ABAT: variants seen among roughly 807,000 people sequenced by gnomAD.
ABAT encodes the protein 4-aminobutyrate aminotransferase, also known as 4-aminobutyrate aminotransferase, mitochondrial.
A neutral mutation model predicts 64.6 loss-of-function variants in ABAT; 45 were observed. The observed-to-expected ratio is 0.70, with a 90% confidence interval of 0.55 to 0.89. ABAT has a LOEUF of 0.89. ABAT is among the 40% of genes least tolerant of loss of function. The pLI, the probability that ABAT is intolerant of heterozygous loss-of-function variation, is 0.00. For synonymous variants in ABAT, 297 were observed against 250.5 expected (o/e 1.19, Z -1.75); for missense variants, 633 against 658.4 (o/e 0.96, Z 0.42).
intron 1 of ABAT, among the ~76,000 whole-genome samples, chr16:8,710,794 C>T (rs1296832219): frequency 1.3e-5 from 2 of 150,674 alleles, no homozygotes; most frequent in African/African-American, 4.9e-5. Context: ...CCTTCTTGTA[C>T]CAACCCTCTG....
chr16:8,753,260 C>A (rs9926200), intron 5 of ABAT, among the ~76,000 whole-genome samples: 140,844 of 151,994 alleles, frequency 0.93, 65,990 homozygotes, highest in East Asian at 1. Context: ...TGCCTGGCTA[C>A]TTTTTTTTGT....
At chr16:8,779,321 C>T (rs1201064390) in intron 14 of ABAT, among the ~76,000 whole-genome samples, 158 bp from the exon 15 acceptor site, 2 of 152,072 alleles carry the variant, frequency 1.3e-5, no homozygotes, top group Non-Finnish European at 2.9e-5. Flanking sequence ...GAACCCAGGC[C>T]TGAATGTCCC....
At chr16:8,739,436 G>A (rs1198177103) in intron 2 of ABAT, among the ~76,000 whole-genome samples, 1 of 152,088 alleles carries the variant, frequency 6.6e-6, no homozygotes, top group African/African-American at 2.4e-5. Context: ...GGTTCATATG[G>A]GCCAGGCACA....
At chr16:8,705,289 A>C (rs563387896) in intron 1 of ABAT, among the ~76,000 whole-genome samples, 4 of 152,010 alleles carry the variant, frequency 2.6e-5, no homozygotes, top group Non-Finnish European at 5.9e-5. Flanking sequence ...CACAGGGAAA[A>C]CTGCCACTTT....
chr16:8,777,383 C>T (rs535046759), intron 14 of ABAT, among the ~76,000 whole-genome samples: 19 of 152,292 alleles, frequency 1.2e-4, no homozygotes, highest in South Asian at 8.3e-4. Flanking sequence ...CTCAAGGTTT[C>T]GTCATGGGCC....
At chr16:8,761,339 CTG>C (rs1257105019) in intron 6 of ABAT, among the ~76,000 whole-genome samples, 9 of 152,278 alleles carry the variant, frequency 5.9e-5, no homozygotes, top group East Asian at 1.9e-4. Context: ...GTCCACCAAA[CTG>C]TGCCGCGTGT....
intron 1 of ABAT, among the ~76,000 whole-genome samples, chr16:8,716,651 T>A (rs2058223665): frequency 6.6e-6 from 1 of 152,202 alleles, no homozygotes; most frequent in South Asian, 2.1e-4. Context: ...ATGCACTGGG[T>A]CCCACACATC....
intron 6 of ABAT, among the ~76,000 whole-genome samples, chr16:8,761,721 C>A (rs967949823): frequency 6.6e-6 from 1 of 152,198 alleles, no homozygotes; most frequent in African/African-American, 2.4e-5. Flanking sequence ...TGGCTGACAT[C>A]TTGGGTCTTC....
At chr16:8,677,071 G>T (rs894600232) in intron 1 of ABAT, among the ~76,000 whole-genome samples, 1 of 152,186 alleles carries the variant, frequency 6.6e-6, no homozygotes, top group Non-Finnish European at 1.5e-5. Context: ...GAGGCCGAGA[G>T]GTTGGTCCCT....
chr16:8,772,963 G>C lies in ABAT; in HGVS notation c.954+46G>C, dbSNP rs911889872. 4.3e-6 allele frequency: 7 copies of C among 1,611,686 alleles called. No individual in the cohort carries two copies. The African/African-American group carries it at 9.4e-5, about 22-fold the overall frequency. On this transcript the variant is annotated intron_variant, in intron 12 of 15. Transcript: ENST00000268251. The stretch of plus-strand genomic sequence containing the variant: ...TTGGATGGAGCCATTGGGTTTTCTG[G>C]GTTGAGTTCCCCGAGTAACGGGCCA...
rs1315519250 is a variant in ABAT at position 8,781,327 on chromosome 16, G to A, written c.1400G>A (p.Cys467Tyr). Reference sequence around the variant, plus strand: ...CTTTCAGGTGTGGTGTTGGGTGGCTGTGGTGACAAATCCATTCGTTTCCGT... The same window carrying A: ...CTTTCAGGTGTGGTGTTGGGTGGCTATGGTGACAAATCCATTCGTTTCCGT... ...ARNKGVVLGG[C>Y]GDKSIRFRPT... The change falls in exon 16 of 16, where the codon TGT becomes TAT. Residue 467 changes from cysteine to tyrosine, a missense_variant. Coordinates refer to ENST00000268251, the MANE Select transcript of ABAT (RefSeq NM_020686.6). The surrounding 1 kb of genome is among the most constrained non-coding windows in gnomAD (Gnocchi z 4.5). 1 of 1,614,022 alleles carries A rather than the reference G, an allele frequency of 6.2e-7. No homozygotes were observed. The highest frequency in any genetic ancestry group is 8.5e-7 in the Non-Finnish European group (1 of 1,180,020).
intron 1 of ABAT, among the ~76,000 whole-genome samples, chr16:8,697,874 T>G (rs1322205540): frequency 6.6e-6 from 1 of 152,186 alleles, no homozygotes; most frequent in Non-Finnish European, 1.5e-5. Context: ...TGACCTCAAG[T>G]GATCCACCTG....
chr16:8,751,005 G>T (rs1453052283), intron 5 of ABAT, among the ~76,000 whole-genome samples: 1 of 143,900 alleles, frequency 6.9e-6, no homozygotes, highest in Non-Finnish European at 1.5e-5. Context: ...CGGGAGTGAA[G>T]TGGCGTGATC....
At chr16:8,708,354 T>G (rs970008735) in intron 1 of ABAT, among the ~76,000 whole-genome samples, 5 of 152,100 alleles carry the variant, frequency 3.3e-5, no homozygotes, top group Admixed American at 2.6e-4. Flanking sequence ...TCAAAGGATC[T>G]TTCTGCCTCA....
chr16:8,693,246 A>G (rs8062725), intron 1 of ABAT, among the ~76,000 whole-genome samples: 1 of 152,210 alleles, frequency 6.6e-6, no homozygotes, highest in African/African-American at 2.4e-5. Context: ...GTTAATTACA[A>G]GATTAGCCTC....
chr16:8,752,795 A>G (rs770962768), intron 5 of ABAT, among the ~76,000 whole-genome samples: 10 of 152,224 alleles, frequency 6.6e-5, no homozygotes, highest in Non-Finnish European at 1.0e-4. Flanking sequence ...GAAAAATTCT[A>G]GAAGTTCTAA....
At chr16:8,730,059 T>C (rs548393773) in intron 1 of ABAT, among the ~76,000 whole-genome samples, 2 of 152,294 alleles carry the variant, frequency 1.3e-5, no homozygotes, top group African/African-American at 2.4e-5. Context: ...AGTACCTCAG[T>C]TGCCTGAAGA....
chr16:8,764,959 A>T lies in ABAT; in HGVS notation c.540+129A>T. On this transcript the variant is annotated intron_variant, in intron 8 of 15. Transcript: ENST00000268251. The surrounding 1 kb of genome is among the most constrained non-coding windows in gnomAD (Gnocchi z 4.2). ...GACATCAGTACCAGGGTTAAAATAC[A>T]GGGAGGGCCACTGCTGGATGGTACT... The T allele has an allele frequency of 1.2e-6, 1 of 866,116 alleles. No homozygotes were observed. The highest frequency in any genetic ancestry group is 1.9e-6 in the Non-Finnish European group (1 of 530,858). 53.7% of individuals were successfully genotyped at this position (866,116 alleles called of 1,614,324 possible). A position where few individuals can be genotyped will look rare whatever the true frequency, so the allele number is the denominator to read the frequency against.
rs564868854 is a variant in ABAT at position 8,781,436 on chromosome 16, C to A, written c.*6C>A. 5.0e-6 allele frequency: 8 copies of A among 1,614,150 alleles called. 1 individual carries two copies. In the South Asian group the frequency reaches 8.8e-5, roughly 18 times the overall value. ...TCTTAGCAGACTTCAAGTAAAGAAGCCATTTCCACTACAGTGAGAAAGCCC... is the reference window on the plus strand; with the variant it reads ...TCTTAGCAGACTTCAAGTAAAGAAGACATTTCCACTACAGTGAGAAAGCCC... On this transcript the variant is annotated 3_prime_UTR_variant, in exon 16 of 16. Coordinates refer to ENST00000268251, the MANE Select transcript of ABAT (RefSeq NM_020686.6). This position sits in a 1 kb window ranked among gnomAD's most constrained non-coding sequence, Gnocchi z 4.5.
Sources: allele counts gnomAD v4.1 joint callset (sites outside exome capture counted in the v4.1 genomes callset), GRCh38; gene constraint gnomAD v4.1.1; non-coding constraint Gnocchi (gnomAD v3.1); transcripts MANE v1.5; gene names NCBI Gene and HGNC (gene_info 2026-07-23, HGNC 2026-07-21).